The following VGLL4 variants were observed in gnomAD, a reference collection of about 807,000 sequenced individuals.
VGLL4 encodes the protein vestigial like family member 4, also known as transcription cofactor vestigial-like protein 4.
Under a neutral mutation model 21.0 loss-of-function variants are expected in VGLL4, and 7 were observed. The ratio of observed to expected loss-of-function variants is 0.33; its 90% confidence interval spans 0.19 to 0.63. The LOEUF (loss-of-function observed/expected upper bound fraction) is 0.63. Ranked by LOEUF, VGLL4 falls within the 20% of genes least tolerant of loss-of-function variation. The pLI is 0.78. For synonymous variants in VGLL4, 222 were observed against 173.2 expected, an observed-to-expected ratio of 1.28 and a Z score of -2.21; for missense variants, 394 against 425.7, an observed-to-expected ratio of 0.93 and a Z score of 0.66.
chr3:11,611,099 G>A (rs2075052008), intron 1 of VGLL4, among the ~76,000 whole-genome samples: 2 of 151,014 alleles, frequency 1.3e-5, no homozygotes, highest in Non-Finnish European at 2.9e-5. Flanking sequence ...ATAAATGGGA[G>A]GAAGACAGTT....
intron 2 of VGLL4, chr3:11,671,297 G>C: frequency 6.3e-7 from 1 of 1,586,278 alleles, no homozygotes; most frequent in Non-Finnish European, 8.6e-7. Flanking sequence ...ACTTTTGAGT[G>C]CACAGGACTC....
chr3:11,714,970 T>C (rs997140287), intron 1 of VGLL4, among the ~76,000 whole-genome samples: 1 of 151,558 alleles, frequency 6.6e-6, no homozygotes, highest in East Asian at 2.0e-4. Context: ...CCCGTCTCTA[T>C]TAAAAATACA....
chr3:11,590,255 T>C (rs1053164615), intron 2 of VGLL4, among the ~76,000 whole-genome samples: 1 of 152,160 alleles, frequency 6.6e-6, no homozygotes. Context: ...CCATCCCTAG[T>C]TGGGTTCAAT....
At chr3:11,669,089 A>T (rs1205190443) in intron 2 of VGLL4, among the ~76,000 whole-genome samples, 1 of 152,262 alleles carries the variant, frequency 6.6e-6, no homozygotes, top group East Asian at 1.9e-4. Flanking sequence ...CCTCAGGGGC[A>T]GAACCATAGA....
chr3:11,638,865 T>C (rs533546266), intron 1 of VGLL4, among the ~76,000 whole-genome samples: 1 of 152,310 alleles, frequency 6.6e-6, no homozygotes, highest in South Asian at 2.1e-4. Flanking sequence ...AGGGTCTCAC[T>C]GAACTCAGCA....
At chr3:11,602,157 G>A (rs545571139) in intron 1 of VGLL4, 135 bp from the exon 2 acceptor site, 25 of 712,230 alleles carry the variant, frequency 3.5e-5, no homozygotes, top group African/African-American at 3.0e-4. Context: ...GGACGGGGCC[G>A]CCTGCCATCC....
At chr3:11,606,129 G>A (rs573242103) in intron 1 of VGLL4, among the ~76,000 whole-genome samples, 8 of 152,192 alleles carry the variant, frequency 5.3e-5, no homozygotes, top group South Asian at 2.1e-4. Context: ...GATGACAGAC[G>A]AGAGAATGAG....
At chr3:11,607,620 C>T (rs1434268815) in intron 1 of VGLL4, among the ~76,000 whole-genome samples, 1 of 152,148 alleles carries the variant, frequency 6.6e-6, no homozygotes, top group Admixed American at 6.5e-5. Flanking sequence ...ACCTCTTCCT[C>T]CTCCAAAATA....
chr3:11,696,670 G>A (rs2076611342), intron 2 of VGLL4, among the ~76,000 whole-genome samples: 1 of 152,178 alleles, frequency 6.6e-6, no homozygotes, highest in South Asian at 2.1e-4. Context: ...TAAATAGAGT[G>A]CAAAGACCAG....
At chr3:11,679,689 A>G (rs1025823200) in intron 2 of VGLL4, among the ~76,000 whole-genome samples, 6 of 152,188 alleles carry the variant, frequency 3.9e-5, no homozygotes, top group Admixed American at 2.0e-4. Flanking sequence ...GCTCAAAAAA[A>G]AGAAGAAACA....
At chr3:11,564,411 C>CCA (rs1227182437) in intron 3 of VGLL4, among the ~76,000 whole-genome samples, 1 of 151,624 alleles carries the variant, frequency 6.6e-6, no homozygotes, top group Admixed American at 6.6e-5. Context: ...TAGGACCCCC[C>CCA]CACCCGAGGA....
At chr3:11,564,302 G>A (rs2073320516) in intron 3 of VGLL4, among the ~76,000 whole-genome samples, 1 of 152,012 alleles carries the variant, frequency 6.6e-6, no homozygotes, top group Non-Finnish European at 1.5e-5. Flanking sequence ...GACCAGCATG[G>A]GCTCACAACC....
At chr3:11,624,003 A>G (rs1384020016) in intron 1 of VGLL4, among the ~76,000 whole-genome samples, 2 of 152,026 alleles carry the variant, frequency 1.3e-5, no homozygotes, top group African/African-American at 4.8e-5. Flanking sequence ...CTGTCTCCCA[A>G]AGTGCTGGGA....
At position 11,565,055 on chromosome 3, in the gene VGLL4, C is replaced by T. The variant is rs760023167; in HGVS notation, c.273-36G>A. 1 of 1,461,978 alleles carries T rather than the reference C, an allele frequency of 6.8e-7. No individual in the cohort carries two copies. Among genetic ancestry groups the T allele is most frequent in the Admixed American group, 2.7e-5 (1 of 37,528 alleles). 90.6% of individuals were successfully genotyped at this position (1,461,978 alleles called of 1,614,324 possible). ...GGAATGGGCATTCAGGGGGCGTTTT[C>T]TCAAAGGCAAAGGGGACAGTGACTG... On this transcript the variant is annotated intron_variant, in intron 2 of 4. Transcript: ENST00000430365. This position sits in a 1 kb window ranked among gnomAD's most constrained non-coding sequence, Gnocchi z 4.1.
intron 1 of VGLL4, among the ~76,000 whole-genome samples, chr3:11,632,696 G>C (rs890197825): frequency 6.6e-6 from 1 of 152,146 alleles, no homozygotes; most frequent in Non-Finnish European, 1.5e-5. Context: ...CAGTAAATCA[G>C]CTAACAGACA....
intron 1 of VGLL4, among the ~76,000 whole-genome samples, chr3:11,710,896 T>A (rs1490674630): frequency 6.6e-6 from 1 of 151,524 alleles, no homozygotes; most frequent in Non-Finnish European, 1.5e-5. Context: ...GGTCAGGAGT[T>A]CGAAACCAGT....
Position 11,559,405 on chromosome 3 carries a change from G to A in VGLL4, c.546C>T (p.Asn182=), listed in dbSNP as rs1213258096. The A allele has an allele frequency of 3.8e-6, 6 of 1,562,898 alleles. No individual in the cohort carries two copies. Among genetic ancestry groups the A allele is most frequent in the Non-Finnish European group, 4.3e-6 (5 of 1,154,644 alleles). ...TCASAGARNC[N]LSHCPIAHSG... is the part of the protein sequence containing the mutation. ...TGTGCGCGATGGGGCAGTGCGAGAG[G>A]TTGCAGTTGCGGGCGCCAGCCGAGG... Residue 182 remains asparagine (N), a synonymous_variant, in exon 4 of 5, where the codon AAC becomes AAT. Transcript: ENST00000430365.
upstream of VGLL4, among the ~76,000 whole-genome samples, chr3:11,648,737 T>G (rs2075829119): frequency 6.6e-6 from 1 of 152,228 alleles, no homozygotes; most frequent in South Asian, 2.1e-4. Context: ...TGAATAACAT[T>G]TTTTAAGAGC....
chr3:11,671,278 A>C, intron 2 of VGLL4: 1 of 1,597,772 alleles, frequency 6.3e-7, no homozygotes, highest in Non-Finnish European at 8.5e-7. Context: ...GCAGACCTGG[A>C]TGTCTCCAAC....
Sources: gnomAD v4.1 joint callset for allele counts (sites outside exome capture counted in the v4.1 genomes callset) on GRCh38, gnomAD v4.1.1 for gene constraint, Gnocchi (gnomAD v3.1) non-coding constraint, MANE v1.5 for transcripts, NCBI Gene and HGNC (gene_info 2026-07-23, HGNC 2026-07-21) for gene names.